Variants in MFF observed in about 807,000 individuals in gnomAD.
The protein encoded by MFF is chromosome 2 open reading frame 33.
A neutral mutation model predicts 36.9 loss-of-function variants in MFF; 12 were observed. The ratio of observed to expected loss-of-function variants is 0.33; its 90% CI spans 0.21 to 0.53. The LOEUF is 0.53. Among genes scored for constraint, MFF ranks in the 20% least tolerant of loss-of-function variants. The pLI is 0.95. For synonymous variants in MFF, 99 were observed against 126.2 expected, an observed-to-expected ratio of 0.78 and a Z score of 1.44; for missense variants, 348 against 366.6, an observed-to-expected ratio of 0.95 and a Z score of 0.42.
intron 5 of MFF, among the ~76,000 whole-genome samples, chr2:227,344,848 C>T (rs1183129402): frequency 1.3e-5 from 2 of 152,074 alleles, no homozygotes; most frequent in Non-Finnish European, 1.5e-5. Context: ...CAACTAGAAC[C>T]TCAAGTTATG....
At chr2:227,333,392 A>G (rs1481805355) in intron 4 of MFF, among the ~76,000 whole-genome samples, 1 of 152,218 alleles carries the variant, frequency 6.6e-6, no homozygotes, top group Non-Finnish European at 1.5e-5. Flanking sequence ...TAATATGCTC[A>G]CAGTTAGTTT....
intron 1 of MFF, 114 bp from the exon 2 acceptor site, chr2:227,328,564 T>A (rs916531885): frequency 5.9e-5 from 9 of 152,214 alleles, no homozygotes; most frequent in Non-Finnish European, 1.2e-4. Flanking sequence ...TACTGGTCTC[T>A]TGATGTCAGG....
chr2:227,350,952 G>T (rs1320073708), intron 6 of MFF, among the ~76,000 whole-genome samples: 5 of 152,156 alleles, frequency 3.3e-5, no homozygotes, highest in Non-Finnish European at 7.4e-5. Context: ...AAGACAAAAT[G>T]AAATACGTTG....
In MFF at chr2:227,329,392, A is replaced by G. The variant is rs934226869; in HGVS notation, c.-41+603A>G. ...AGCTTCTCTGTATCCTGTTTGCAAA[A>G]TCATAAGACAGTGACTGTGCTTACA... On this transcript the variant is annotated intron_variant, in intron 2 of 8. Coordinates refer to ENST00000304593, the MANE Select transcript of MFF (RefSeq NM_001277062.2). The G allele has an allele frequency of 6.9e-4, 167 of 242,028 alleles. 1 individual carries two copies. The highest frequency in any genetic ancestry group is 3.7e-3 in the African/African-American group (159 of 42,408). The allele number at this position is 242,028 out of a possible 1,614,324, so 15.0% of individuals were successfully genotyped here. A position where few individuals can be genotyped will look rare whatever the true frequency, so the allele number is the denominator to read the frequency against.
rs2076056114 is a variant in MFF, at chr2:227,352,593, A to G, written c.659+20A>G. On this transcript the variant is annotated intron_variant, in intron 7 of 8. Transcript: ENST00000304593. ...CGTCAGGTAAATTTTGAGACTTCGTAATTACCAGGGTAAATGCTTGGCGGA... is the reference window on the plus strand; with the variant it reads ...CGTCAGGTAAATTTTGAGACTTCGTGATTACCAGGGTAAATGCTTGGCGGA... The G allele has an allele frequency of 6.9e-7, 1 of 1,444,018 alleles. No individual in the cohort carries two copies. Among genetic ancestry groups the G allele is most frequent in the Non-Finnish European group, 9.3e-7 (1 of 1,071,030 alleles). The allele number at this position is 1,444,018 out of a possible 1,614,324, so 89.5% of individuals were successfully genotyped here.
At chr2:227,326,299 G>C (rs754859762) in intron 1 of MFF, among the ~76,000 whole-genome samples, 1 of 150,836 alleles carries the variant, frequency 6.6e-6, no homozygotes, top group East Asian at 1.9e-4. Context: ...CTCATCCACC[G>C]AGAGACTTAA....
chr2:227,355,519 TAG>T, intron 7 of MFF, 156 bp from the exon 8 acceptor site: 1 of 412,310 alleles, frequency 2.4e-6, no homozygotes. Context: ...TTTCCTTTAT[TAG>T]TACAAATTCA....
intron 6 of MFF, among the ~76,000 whole-genome samples, chr2:227,348,992 C>T (rs11541730): frequency 6.6e-6 from 1 of 152,106 alleles, no homozygotes. Context: ...CATCAGCTAA[C>T]TTGTTTAACT....
In MFF at chr2:227,327,572, C is replaced by G. The variant is rs7603414; in HGVS notation, c.-152-1106C>G. Among the ~76,000 whole-genome samples, 15,142 of 152,146 alleles carry G rather than the reference C, an allele frequency of 0.1. 1,215 individuals are homozygous for G. Among genetic ancestry groups the G allele is most frequent in the African/African-American group, 0.21 (8,556 of 41,496 alleles). On this transcript the variant is annotated intron_variant, in intron 1 of 8. Transcript: ENST00000304593. ...GAACTTGGCTTTTTCCAGAAGTTGGCATTTCAGCATCCACCTTTATTTTCT... is the reference window on the plus strand; with the variant it reads ...GAACTTGGCTTTTTCCAGAAGTTGGGATTTCAGCATCCACCTTTATTTTCT...
chr2:227,344,210 A>G (rs2075578287), intron 5 of MFF, among the ~76,000 whole-genome samples: 1 of 152,226 alleles, frequency 6.6e-6, no homozygotes, highest in Non-Finnish European at 1.5e-5. Context: ...TTTCTTTTAA[A>G]AAGGTAATGT....
intron 7 of MFF, among the ~76,000 whole-genome samples, chr2:227,353,825 G>A (rs1559989583): frequency 6.6e-6 from 1 of 152,036 alleles, no homozygotes; most frequent in Non-Finnish European, 1.5e-5. Flanking sequence ...GCTTTCATTT[G>A]TACTTCATTC....
intron 6 of MFF, among the ~76,000 whole-genome samples, chr2:227,349,830 A>G (rs1409308229): frequency 6.6e-6 from 1 of 152,158 alleles, no homozygotes; most frequent in Non-Finnish European, 1.5e-5. Flanking sequence ...CTTGCTCTGT[A>G]GATCATTTTT....
At chr2:227,339,752 T>C (rs957233597) in intron 4 of MFF, among the ~76,000 whole-genome samples, 12 of 152,214 alleles carry the variant, frequency 7.9e-5, no homozygotes, top group Non-Finnish European at 1.6e-4. Context: ...AGGTCAAAGA[T>C]ACATTTCATA....
At chr2:227,326,798 G>C (rs1447698929) in intron 1 of MFF, among the ~76,000 whole-genome samples, 2 of 152,008 alleles carry the variant, frequency 1.3e-5, no homozygotes, top group East Asian at 1.9e-4. Context: ...TTTTTGGTTT[G>C]TTTTTGTTTG....
intron 5 of MFF, chr2:227,342,728 C>G: frequency 6.3e-7 from 1 of 1,593,836 alleles, no homozygotes. Flanking sequence ...GTAAAAGAAG[C>G]ATAATTATTA....
At chr2:227,328,135 C>T (rs1460633486) in intron 1 of MFF, among the ~76,000 whole-genome samples, 1 of 151,872 alleles carries the variant, frequency 6.6e-6, no homozygotes, top group African/African-American at 2.4e-5. Context: ...CTTTAGGAGA[C>T]GAAGGCCAGA....
intron 4 of MFF, among the ~76,000 whole-genome samples, chr2:227,340,087 G>A (rs936013449): frequency 1.3e-5 from 2 of 148,190 alleles, no homozygotes; most frequent in East Asian, 3.9e-4. Flanking sequence ...ATTATAGTAA[G>A]TAGGGTGTGT....
rs1318501207 is a variant in MFF, at chr2:227,331,155, CA to C, written c.181+311del. 9.2e-5 allele frequency among the ~76,000 whole-genome samples: 14 copies of C among 152,194 alleles called. 2 individuals are homozygous for C. In the East Asian group the frequency reaches 2.7e-3, roughly 29 times the overall value. ...AATAGAGACCATTTTTGTTACTCTG[CA>C]AGGTTCCTTTGTGCCTCTTTCTCAC... On this transcript the variant is annotated intron_variant, in intron 3 of 8. Coordinates refer to ENST00000304593, the MANE Select transcript of MFF (RefSeq NM_001277062.2).
Position 227,332,493 on chromosome 2 carries a change from G to A in MFF, c.256G>A (p.Ala86Thr). Residue 86 changes from alanine (A) to threonine (T), a missense_variant, in exon 4 of 9, where the codon GCA becomes ACA. Ala to Thr is a moderately conservative substitution (Grantham distance 58). Transcript: ENST00000304593. ...TCAGTCAACTCCCTTTAAACCCCTG[G>A]CACTGAAAACACCACCTCGTGTACT... Reference protein sequence around the residue: ...LIQSTPFKPLALKTPPRVLTL... With the variant: ...LIQSTPFKPLTLKTPPRVLTL... The A allele has an allele frequency of 6.2e-7, 1 of 1,613,540 alleles. No individual in the cohort carries two copies. Among genetic ancestry groups the A allele is most frequent in the Non-Finnish European group, 8.5e-7 (1 of 1,179,650 alleles).
Sources: gnomAD v4.1 joint callset for allele counts (sites outside exome capture counted in the v4.1 genomes callset) on GRCh38, gnomAD v4.1.1 for gene constraint, MANE v1.5 for transcripts, NCBI Gene and HGNC (gene_info 2026-07-23, HGNC 2026-07-21) for gene names.